Variants in GPR39 observed in about 807,000 individuals in gnomAD.
The protein encoded by GPR39 is zinc sensing receptor.
GPR39 carries 23 observed loss-of-function variants against 18.4 expected under a neutral mutation model. That is an observed-to-expected ratio of 1.25 (90% CI 0.90 to 1.77). The LOEUF is 1.77. GPR39 is among the 40% of genes most tolerant of loss of function. The probability of loss-of-function intolerance (pLI) is 0.00; values close to 1 mark genes in which losing one functional copy is unlikely to be tolerated. For missense variants in GPR39, 647 were observed against 602.4 expected (o/e 1.07, Z -0.78); for synonymous variants, 280 against 257.9 (o/e 1.09, Z -0.82).
At chr2:132,526,166 T>C (rs937051933) in intron 1 of GPR39, among the ~76,000 whole-genome samples, 2 of 152,182 alleles carry the variant, frequency 1.3e-5, no homozygotes, top group African/African-American at 4.8e-5. Flanking sequence ...TGCAGAAATA[T>C]GTGTGTGTAA....
intron 1 of GPR39, among the ~76,000 whole-genome samples, chr2:132,502,677 G>A (rs1181634260): frequency 1.3e-5 from 2 of 152,266 alleles, no homozygotes; most frequent in East Asian, 1.9e-4. Flanking sequence ...CGAACTTTTA[G>A]ATTTCTCTTC....
intron 1 of GPR39, among the ~76,000 whole-genome samples, chr2:132,529,689 G>A (rs1679577412): frequency 1.3e-5 from 2 of 152,214 alleles, no homozygotes; most frequent in South Asian, 2.1e-4. Flanking sequence ...AGCATTTGCG[G>A]TTCACCAATA....
At position 132,529,720 on chromosome 2, in the gene GPR39, G is replaced by A. The variant is rs554579295; in HGVS notation, c.856+111822G>A. On this transcript the variant is annotated intron_variant, in intron 1 of 1. Transcript: ENST00000329321. ...CAATATCGGCTGTTCTGCAGCCACC[G>A]CTGCTGATACCCAGGCAAATAGGGT... 6.6e-5 allele frequency among the ~76,000 whole-genome samples: 10 copies of A among 152,304 alleles called. No homozygotes were observed. The East Asian group carries it at 9.6e-4, about 15-fold the overall frequency.
chr2:132,540,514 G>T (rs3115032), intron 1 of GPR39, among the ~76,000 whole-genome samples: 2,149 of 152,290 alleles, frequency 0.014, 53 homozygotes, highest in African/African-American at 0.049. Context: ...TCTGCCACAT[G>T]GGCCTCAGTA....
At position 132,623,626 on chromosome 2, in the gene GPR39, G is replaced by T. The variant is rs148007605; in HGVS notation, c.857-21475G>T. ...AAACCTGGCTCCTCACTAACTAGCT[G>T]TGTGGCTTTGGCCAGTTTCCTAACT... On this transcript the variant is annotated intron_variant, in intron 1 of 1. Coordinates refer to ENST00000329321, the MANE Select transcript of GPR39 (RefSeq NM_001508.3). Among the ~76,000 whole-genome samples the T allele has an allele frequency of 1.0e-3, 152 of 152,310 alleles. 1 individual carries two copies. The highest frequency in any genetic ancestry group is 3.6e-3 in the African/African-American group (148 of 41,556).
At chr2:132,517,579 G>A (rs925152539) in intron 1 of GPR39, among the ~76,000 whole-genome samples, 1 of 152,118 alleles carries the variant, frequency 6.6e-6, no homozygotes, top group Non-Finnish European at 1.5e-5. Context: ...CCAGTTATAA[G>A]GGAGGAAAGA....
Position 132,556,693 on chromosome 2 carries a change from A to G in GPR39, c.857-88408A>G, listed in dbSNP as rs560888066. Among the ~76,000 whole-genome samples the G allele has an allele frequency of 3.9e-5, 6 of 152,208 alleles. No homozygotes were observed. In the South Asian group the frequency reaches 1.0e-3, roughly 26 times the overall value. On this transcript the variant is annotated intron_variant, in intron 1 of 1. Transcript: ENST00000329321. ...TGTGGTGCAGGCACATCTAAAATGG[A>G]CTTTTCAAATCCTCCCCCTCCACAC...
At chr2:132,513,547 G>T (rs569822394) in intron 1 of GPR39, among the ~76,000 whole-genome samples, 1 of 152,110 alleles carries the variant, frequency 6.6e-6, no homozygotes, top group South Asian at 2.1e-4. Flanking sequence ...GGCAGCTTGG[G>T]AAGTCTGTCT....
At chr2:132,555,663 G>A (rs1680138140) in intron 1 of GPR39, among the ~76,000 whole-genome samples, 1 of 152,110 alleles carries the variant, frequency 6.6e-6, no homozygotes, top group African/African-American at 2.4e-5. Context: ...TCCTCTATTG[G>A]TCATATAGAC....
chr2:132,544,514 C>T (rs551042341), intron 1 of GPR39, among the ~76,000 whole-genome samples: 119 of 152,324 alleles, frequency 7.8e-4, no homozygotes, highest in African/African-American at 2.7e-3. Context: ...GCTGGAGACC[C>T]CCAGATGTCC....
At chr2:132,636,723 T>C (rs1573711618) in intron 1 of GPR39, among the ~76,000 whole-genome samples, 2 of 152,334 alleles carry the variant, frequency 1.3e-5, no homozygotes, top group South Asian at 4.1e-4. Context: ...AATTCTCTAC[T>C]ATTTATAGGG....
chr2:132,497,746 C>T (rs1157013839), intron 1 of GPR39, among the ~76,000 whole-genome samples: 2 of 152,162 alleles, frequency 1.3e-5, no homozygotes, highest in East Asian at 3.8e-4. Context: ...GAAGAAGCAG[C>T]TCAAACAAAT....
At chr2:132,455,598 G>C (rs1680707557) in intron 1 of GPR39, among the ~76,000 whole-genome samples, 1 of 152,118 alleles carries the variant, frequency 6.6e-6, no homozygotes, top group Admixed American at 6.5e-5. Flanking sequence ...GATCTTTCCT[G>C]CTTTCTCTTG....
chr2:132,537,459 C>G (rs954633422), intron 1 of GPR39, among the ~76,000 whole-genome samples: 15 of 151,652 alleles, frequency 9.9e-5, no homozygotes, highest in Non-Finnish European at 8.8e-5. Flanking sequence ...ATGGACTTCC[C>G]TTTTTAGGTG....
intron 1 of GPR39, among the ~76,000 whole-genome samples, chr2:132,603,189 G>C (rs1322905099): frequency 6.6e-6 from 1 of 152,116 alleles, no homozygotes; most frequent in Non-Finnish European, 1.5e-5. Context: ...ATATGCAATG[G>C]AATACTATTT....
At chr2:132,425,489 C>T (rs1214872680) in intron 1 of GPR39, among the ~76,000 whole-genome samples, 1 of 152,186 alleles carries the variant, frequency 6.6e-6, no homozygotes, top group Non-Finnish European at 1.5e-5. Context: ...TTGGCTCTAC[C>T]TTCCTTTCCT....
chr2:132,441,809 C>T (rs1431263897), intron 1 of GPR39, among the ~76,000 whole-genome samples: 1 of 152,178 alleles, frequency 6.6e-6, no homozygotes, highest in Non-Finnish European at 1.5e-5. Flanking sequence ...AAGACTCAGG[C>T]TTGGGGTTTT....
At chr2:132,482,882 T>TTAAGTG (rs1681261393) in intron 1 of GPR39, among the ~76,000 whole-genome samples, 4 of 152,250 alleles carry the variant, frequency 2.6e-5, no homozygotes, top group Non-Finnish European at 5.9e-5. Flanking sequence ...AAAGAAATTC[T>TTAAGTG]TACAGTGTAA....
At chr2:132,634,050 ATGG>A (rs1336023813) in intron 1 of GPR39, among the ~76,000 whole-genome samples, 8 of 140,414 alleles carry the variant, frequency 5.7e-5, no homozygotes, top group East Asian at 2.0e-4. Flanking sequence ...GGTGATGATG[ATGG>A]TGGGGGTGGC....
Sources: gnomAD v4.1 joint callset for allele counts (sites outside exome capture counted in the v4.1 genomes callset) on GRCh38, gnomAD v4.1.1 for gene constraint, MANE v1.5 for transcripts, NCBI Gene and HGNC (gene_info 2026-07-23, HGNC 2026-07-21) for gene names.